The following SGCZ variants were observed in gnomAD, a reference collection of about 807,000 sequenced individuals.
The protein encoded by SGCZ is zeta-sarcoglycan.
SGCZ carries 40 observed loss-of-function variants against 41.3 expected under a neutral mutation model. The observed-to-expected ratio is 0.97, with a 90% CI of 0.75 to 1.26. The LOEUF is 1.26. Ranked by LOEUF, SGCZ falls within the 50% of genes most tolerant of loss-of-function variation. SGCZ has a pLI of 0.00. For synonymous variants in SGCZ, 206 were observed against 137.5 expected, an observed-to-expected ratio of 1.50 and a Z score of -3.49; for missense variants, 552 against 369.8, an observed-to-expected ratio of 1.49 and a Z score of -4.04.
At chr8:15,151,545 C>T (rs140510040) in intron 1 of SGCZ, among the ~76,000 whole-genome samples, 17 of 152,210 alleles carry the variant, frequency 1.1e-4, no homozygotes, top group Middle Eastern at 6.9e-3. Context: ...AATTTTTAGT[C>T]CTCTCTGAAT....
chr8:15,169,512 A>G (rs1799766678), intron 1 of SGCZ, among the ~76,000 whole-genome samples: 1 of 152,152 alleles, frequency 6.6e-6, no homozygotes, highest in Non-Finnish European at 1.5e-5. Flanking sequence ...ATTATCTGTG[A>G]GCCTGAATTT....
At chr8:14,626,583 TG>T (rs1383571337) in intron 1 of SGCZ, among the ~76,000 whole-genome samples, 6 of 152,084 alleles carry the variant, frequency 3.9e-5, no homozygotes, top group African/African-American at 1.4e-4. Flanking sequence ...TGGAGTAGGG[TG>T]GGCCCCCACT....
chr8:14,525,197 CA>C (rs1802910546), intron 2 of SGCZ, among the ~76,000 whole-genome samples: 1 of 103,546 alleles, frequency 9.7e-6, no homozygotes, highest in Non-Finnish European at 2.6e-5. Context: ...GATAGATAGA[CA>C]GACAGACAGA....
At chr8:14,258,115 T>C (rs1250152896) in intron 3 of SGCZ, among the ~76,000 whole-genome samples, 3 of 152,186 alleles carry the variant, frequency 2.0e-5, no homozygotes, top group Non-Finnish European at 4.4e-5. Context: ...GTGTCATTAA[T>C]TATGAGATCA....
intron 2 of SGCZ, among the ~76,000 whole-genome samples, chr8:14,480,104 A>C (rs897384445): frequency 1.3e-5 from 2 of 152,194 alleles, no homozygotes; most frequent in African/African-American, 4.8e-5. Context: ...CTGTAATCCC[A>C]TTCTCTCTTG....
intron 1 of SGCZ, among the ~76,000 whole-genome samples, chr8:14,971,343 T>C (rs758665327): frequency 6.6e-6 from 1 of 152,190 alleles, no homozygotes; most frequent in Non-Finnish European, 1.5e-5. Flanking sequence ...ATCCTTGTTT[T>C]GTTCCTCATA....
intron 1 of SGCZ, among the ~76,000 whole-genome samples, chr8:14,686,708 A>C (rs991019590): frequency 6.6e-6 from 1 of 152,084 alleles, no homozygotes. Flanking sequence ...TCTAGACTAC[A>C]TCAGGGAAGA....
chr8:14,170,872 G>A (rs1279777957), intron 4 of SGCZ, among the ~76,000 whole-genome samples: 2 of 151,984 alleles, frequency 1.3e-5, no homozygotes, highest in Non-Finnish European at 2.9e-5. Context: ...TGCAAGTGTA[G>A]AATCAATGAA....
At chr8:14,645,629 A>G (rs1030673992) in intron 1 of SGCZ, among the ~76,000 whole-genome samples, 3 of 151,434 alleles carry the variant, frequency 2.0e-5, no homozygotes, top group Non-Finnish European at 3.0e-5. Flanking sequence ...ATCTTTTCCT[A>G]TCTTGGAACA....
At chr8:14,241,899 T>G (rs548721122) in intron 3 of SGCZ, among the ~76,000 whole-genome samples, 1 of 152,370 alleles carries the variant, frequency 6.6e-6, no homozygotes, top group South Asian at 2.1e-4. Context: ...GCTATGCATA[T>G]GACCAATGGA....
At chr8:14,181,311 T>G (rs1804718879) in intron 4 of SGCZ, among the ~76,000 whole-genome samples, 2 of 152,200 alleles carry the variant, frequency 1.3e-5, no homozygotes, top group Admixed American at 6.5e-5. Flanking sequence ...TTGGGTATAT[T>G]GATACCTCCC....
At chr8:14,806,038 C>G (rs1801512977) in intron 1 of SGCZ, among the ~76,000 whole-genome samples, 1 of 151,370 alleles carries the variant, frequency 6.6e-6, no homozygotes, top group Admixed American at 6.6e-5. Flanking sequence ...CCAACGAGAA[C>G]AAAGATACAA....
intron 1 of SGCZ, among the ~76,000 whole-genome samples, chr8:14,949,725 T>G (rs182074755): frequency 6.6e-6 from 1 of 152,104 alleles, no homozygotes; most frequent in African/African-American, 2.4e-5. Context: ...CTCAATGTTT[T>G]AACAATATGT....
chr8:14,118,454 G>T (rs1242277189), intron 5 of SGCZ, among the ~76,000 whole-genome samples: 4 of 152,102 alleles, frequency 2.6e-5, no homozygotes, highest in African/African-American at 9.7e-5. Flanking sequence ...GTAGATTCTG[G>T]ATATTAGCCC....
At chr8:14,670,564 G>A (rs545066763) in intron 1 of SGCZ, among the ~76,000 whole-genome samples, 1 of 152,220 alleles carries the variant, frequency 6.6e-6, no homozygotes, top group South Asian at 2.1e-4. Context: ...TGAGGCTAAT[G>A]GGATATGAGC....
intron 1 of SGCZ, among the ~76,000 whole-genome samples, chr8:15,232,808 C>CAT (rs1347174382): frequency 7.1e-6 from 1 of 141,568 alleles, no homozygotes; most frequent in African/African-American, 2.7e-5. Flanking sequence ...TATATACACA[C>CAT]ATATATATAT....
intron 1 of SGCZ, among the ~76,000 whole-genome samples, chr8:14,839,278 T>C (rs954461856): frequency 1.3e-5 from 2 of 152,044 alleles, no homozygotes; most frequent in African/African-American, 4.8e-5. Flanking sequence ...TCACTCAAAG[T>C]GTTTACGCAA....
chr8:14,553,553 A>G (rs1403416735), intron 2 of SGCZ, among the ~76,000 whole-genome samples: 1 of 152,074 alleles, frequency 6.6e-6, no homozygotes, highest in Non-Finnish European at 1.5e-5. Flanking sequence ...CCATGAGCAC[A>G]TGCTGTTTTA....
intron 1 of SGCZ, among the ~76,000 whole-genome samples, chr8:14,940,720 G>T (rs932236628): frequency 6.6e-6 from 1 of 151,922 alleles, no homozygotes; most frequent in Non-Finnish European, 1.5e-5. Flanking sequence ...ACAGGTAAGT[G>T]TATTTGACCA....
Sources: allele counts gnomAD v4.1 joint callset (sites outside exome capture counted in the v4.1 genomes callset), GRCh38; gene constraint gnomAD v4.1.1; transcripts MANE v1.5; gene names NCBI Gene and HGNC (gene_info 2026-07-23, HGNC 2026-07-21).